The following AUTS2 variants were observed in gnomAD, a reference collection of about 807,000 sequenced individuals.
AUTS2 encodes activator of transcription and developmental regulator AUTS2.
Under a neutral mutation model 112.4 loss-of-function variants are expected in AUTS2, and 17 were observed. That is an observed-to-expected ratio of 0.15 (90% CI 0.10 to 0.23). The LOEUF (loss-of-function observed/expected upper bound fraction) is 0.23, where lower values mean the gene tolerates loss of function less well. Among genes scored for constraint, AUTS2 ranks in the 10% least tolerant of loss-of-function variants. The pLI, the probability that AUTS2 is intolerant of heterozygous loss-of-function variation, is 1.00. For missense variants in AUTS2, 1,510 were observed against 1,701.6 expected (o/e 0.89, Z 1.98); for synonymous variants, 751 against 702.7 (o/e 1.07, Z -1.09).
chr7:69,912,665 A>T (rs999706822), intron 2 of AUTS2, among the ~76,000 whole-genome samples: 3 of 152,184 alleles, frequency 2.0e-5, no homozygotes, highest in Non-Finnish European at 4.4e-5. Context: ...CAAACTGAGC[A>T]GACCCATATT....
chr7:70,157,048 G>A (rs1159370708), intron 4 of AUTS2, among the ~76,000 whole-genome samples: 1 of 151,180 alleles, frequency 6.6e-6, no homozygotes, highest in African/African-American at 2.4e-5. Flanking sequence ...TTTCACTCCA[G>A]CCCGGGTGAC....
chr7:69,685,834 C>T (rs1485036773), intron 1 of AUTS2, among the ~76,000 whole-genome samples: 1 of 151,834 alleles, frequency 6.6e-6, no homozygotes, highest in Non-Finnish European at 1.5e-5. Flanking sequence ...CATGAGCCAC[C>T]ACACATGGCC....
At chr7:69,934,708 C>A (rs1796345199) in intron 2 of AUTS2, among the ~76,000 whole-genome samples, 1 of 152,166 alleles carries the variant, frequency 6.6e-6, no homozygotes, top group Non-Finnish European at 1.5e-5. Flanking sequence ...TTGTTTGCAC[C>A]ACAACCAGAT....
chr7:70,352,506 A>G (rs1280509437), intron 4 of AUTS2, among the ~76,000 whole-genome samples: 1 of 151,978 alleles, frequency 6.6e-6, no homozygotes, highest in East Asian at 1.9e-4. Flanking sequence ...ATGCCTGTGG[A>G]TCTAGATTAT....
At position 70,063,553 on chromosome 7, in the gene AUTS2, G is replaced by A. The variant is rs560965452; in HGVS notation, c.523-54579G>A. 1.4e-4 allele frequency among the ~76,000 whole-genome samples: 21 copies of A among 152,242 alleles called. No homozygotes were observed. In the South Asian group the frequency reaches 3.9e-3, roughly 29 times the overall value. ...CAGAGATCATAGCACCTCATAGATA[G>A]CACTTCTGGAGTGTTTTGAATGGCA... On this transcript the variant is annotated intron_variant, in intron 2 of 18. Coordinates refer to ENST00000342771, the MANE Select transcript of AUTS2 (RefSeq NM_015570.4).
At chr7:69,969,104 T>A (rs1469915612) in intron 2 of AUTS2, among the ~76,000 whole-genome samples, 2 of 152,172 alleles carry the variant, frequency 1.3e-5, no homozygotes, top group African/African-American at 2.4e-5. Flanking sequence ...ATCCATTGTT[T>A]GCTGTTATGA....
chr7:69,666,205 T>C (rs1048867042), intron 1 of AUTS2, among the ~76,000 whole-genome samples: 2 of 152,178 alleles, frequency 1.3e-5, no homozygotes, highest in Non-Finnish European at 2.9e-5. Context: ...TATAAAAAGC[T>C]TCTCTAAGAA....
chr7:70,494,475 C>T (rs953892390), intron 5 of AUTS2, among the ~76,000 whole-genome samples: 1 of 152,098 alleles, frequency 6.6e-6, no homozygotes, highest in African/African-American at 2.4e-5. Flanking sequence ...GCTTTAGAGA[C>T]GGGAGCCATA....
chr7:70,379,214 A>G (rs528280476), intron 4 of AUTS2, among the ~76,000 whole-genome samples: 1 of 152,242 alleles, frequency 6.6e-6, no homozygotes, highest in Non-Finnish European at 1.5e-5. Context: ...AAAAACTATT[A>G]TTAGGGCGGG....
At chr7:69,995,182 C>T (rs993268198) in intron 2 of AUTS2, among the ~76,000 whole-genome samples, 1 of 152,124 alleles carries the variant, frequency 6.6e-6, no homozygotes, top group African/African-American at 2.4e-5. Context: ...TTTGTTTAGG[C>T]TTACTAATGT....
At chr7:69,905,054 G>C (rs1211279415) in intron 2 of AUTS2, among the ~76,000 whole-genome samples, 1 of 152,122 alleles carries the variant, frequency 6.6e-6, no homozygotes, top group Non-Finnish European at 1.5e-5. Flanking sequence ...TATATGAAAG[G>C]TGTTTTGCTT....
chr7:70,647,947 A>G (rs1806263078), intron 5 of AUTS2, among the ~76,000 whole-genome samples: 1 of 152,204 alleles, frequency 6.6e-6, no homozygotes, highest in African/African-American at 2.4e-5. Context: ...TACCAAGAGT[A>G]TCCATTCAGG....
At chr7:70,522,072 C>T (rs1585250906) in intron 5 of AUTS2, among the ~76,000 whole-genome samples, 1 of 152,114 alleles carries the variant, frequency 6.6e-6, no homozygotes, top group Non-Finnish European at 1.5e-5. Context: ...GCTATGGCTG[C>T]AACCAGTACT....
At chr7:70,628,702 C>T (rs1805093797) in intron 5 of AUTS2, among the ~76,000 whole-genome samples, 1 of 152,006 alleles carries the variant, frequency 6.6e-6, no homozygotes, top group Non-Finnish European at 1.5e-5. Context: ...GAGACTGGAG[C>T]AGGGAGACCA....
chr7:70,698,252 C>T (rs1182004512), intron 5 of AUTS2, among the ~76,000 whole-genome samples: 1 of 152,178 alleles, frequency 6.6e-6, no homozygotes, highest in Non-Finnish European at 1.5e-5. Context: ...GATCTGTCAA[C>T]GAAATTGCAA....
chr7:70,555,243 G>A (rs1159572770), intron 5 of AUTS2, among the ~76,000 whole-genome samples: 9 of 152,204 alleles, frequency 5.9e-5, no homozygotes, highest in Non-Finnish European at 1.0e-4. Flanking sequence ...GTTGGAGGAA[G>A]CATTCCTGTG....
At chr7:70,084,086 C>CA (rs1803463451) in intron 2 of AUTS2, among the ~76,000 whole-genome samples, 1 of 151,876 alleles carries the variant, frequency 6.6e-6, no homozygotes, top group Non-Finnish European at 1.5e-5. Flanking sequence ...ACAAAAAAAA[C>CA]AAAAAACAAA....
intron 2 of AUTS2, among the ~76,000 whole-genome samples, chr7:70,085,122 C>T (rs996656286): frequency 1.3e-5 from 2 of 152,168 alleles, no homozygotes; most frequent in Non-Finnish European, 2.9e-5. Context: ...ATCAATCCTC[C>T]TGCCTCAGTC....
intron 5 of AUTS2, among the ~76,000 whole-genome samples, chr7:70,576,531 T>C (rs1419040986): frequency 1.3e-5 from 2 of 152,206 alleles, no homozygotes; most frequent in Admixed American, 6.5e-5. Flanking sequence ...TGTCCATACA[T>C]ACAGCTTGAC....
Sources: gnomAD v4.1 joint callset for allele counts (sites outside exome capture counted in the v4.1 genomes callset) on GRCh38, gnomAD v4.1.1 for gene constraint, MANE v1.5 for transcripts, NCBI Gene and HGNC (gene_info 2026-07-23, HGNC 2026-07-21) for gene names.